The following VPS53 variants were observed in gnomAD, a reference collection of about 807,000 sequenced individuals.
VPS53 encodes vacuolar protein sorting-associated protein 53 homolog.
VPS53 carries 70 observed loss-of-function variants against 107.0 expected under a neutral mutation model. The observed-to-expected ratio is 0.65, with a 90% CI of 0.54 to 0.80. The LOEUF is 0.80. Ranked by LOEUF, VPS53 falls within the 30% of genes least tolerant of loss-of-function variation. VPS53 has a pLI of 0.00. For synonymous variants in VPS53, 409 were observed against 393.3 expected, an observed-to-expected ratio of 1.04 and a Z score of -0.47; for missense variants, 917 against 1,049.4, an observed-to-expected ratio of 0.87 and a Z score of 1.74.
chr17:674,953 A>G (rs1293838841), intron 4 of VPS53: 1 of 152,244 alleles, frequency 6.6e-6, no homozygotes, highest in Non-Finnish European at 1.5e-5. Context: ...GAATCGAGTA[A>G]ATCAAGTAAA....
chr17:619,732 C>T (rs1597391038), intron 11 of VPS53, among the ~76,000 whole-genome samples: 1 of 123,208 alleles, frequency 8.1e-6, no homozygotes, highest in African/African-American at 3.0e-5. Context: ...CACCACACCC[C>T]GCTAATATTT....
intron 7 of VPS53, among the ~76,000 whole-genome samples, chr17:638,555 G>A (rs986067940): frequency 7.9e-5 from 12 of 152,264 alleles, no homozygotes; most frequent in Non-Finnish European, 1.6e-4. Context: ...GGCTAGTACC[G>A]GTTGTTCCTT....
At chr17:639,911 C>T (rs188678667) in intron 7 of VPS53, among the ~76,000 whole-genome samples, 28 of 152,338 alleles carry the variant, frequency 1.8e-4, no homozygotes, top group Admixed American at 1.6e-3. Flanking sequence ...GGGAGAACCA[C>T]TACTCTCTTC....
At chr17:677,503 T>C (rs941251619) in intron 4 of VPS53, among the ~76,000 whole-genome samples, 1 of 152,204 alleles carries the variant, frequency 6.6e-6, no homozygotes, top group Non-Finnish European at 1.5e-5. Context: ...ACAGAGTTTC[T>C]ATTTGGGGTG....
chr17:555,446 C>T (rs1912245794), intron 15 of VPS53, among the ~76,000 whole-genome samples: 1 of 152,178 alleles, frequency 6.6e-6, no homozygotes. Context: ...ATCTACCCGC[C>T]TCAGCCTCCC....
At chr17:682,240 T>C (rs1405535880) in intron 4 of VPS53, among the ~76,000 whole-genome samples, 2 of 152,092 alleles carry the variant, frequency 1.3e-5, no homozygotes, top group East Asian at 3.9e-4. Flanking sequence ...GGATTTGAAA[T>C]TGAATTAATG....
At chr17:599,774 A>C (rs1567664292) in intron 12 of VPS53, among the ~76,000 whole-genome samples, 1 of 110,634 alleles carries the variant, frequency 9.0e-6, no homozygotes, top group Non-Finnish European at 2.0e-5. Flanking sequence ...TAAAAAAAAA[A>C]ACAAAAACAA....
At chr17:601,629 T>TG (rs1968328804) in intron 12 of VPS53, among the ~76,000 whole-genome samples, 166 bp downstream of exon 12, 1 of 152,146 alleles carries the variant, frequency 6.6e-6, no homozygotes, top group Non-Finnish European at 1.5e-5. Flanking sequence ...TGCCCTTTCA[T>TG]GGAGTTTTCT....
At chr17:666,588 C>G (rs897906028) in intron 4 of VPS53, among the ~76,000 whole-genome samples, 2 of 152,064 alleles carry the variant, frequency 1.3e-5, no homozygotes, top group African/African-American at 4.8e-5. Context: ...CGCGTGAACC[C>G]AGGAGGCAGA....
At chr17:635,406 T>A (rs1275788817) in intron 7 of VPS53, among the ~76,000 whole-genome samples, 3 of 152,236 alleles carry the variant, frequency 2.0e-5, no homozygotes, top group Non-Finnish European at 2.9e-5. Flanking sequence ...TTTAATTAGA[T>A]CCCATTTGTC....
At chr17:663,735 A>G (rs1439156383) in intron 4 of VPS53, among the ~76,000 whole-genome samples, 1 of 152,184 alleles carries the variant, frequency 6.6e-6, no homozygotes, top group Non-Finnish European at 1.5e-5. Context: ...GCATCTCCTT[A>G]ATTCACTCCT....
chr17:642,122 C>A (rs1009392674), intron 7 of VPS53, among the ~76,000 whole-genome samples: 4 of 152,154 alleles, frequency 2.6e-5, no homozygotes, highest in Admixed American at 1.3e-4. Flanking sequence ...GAAAACACCC[C>A]CAACAGTTCC....
At chr17:522,098 GC>G (rs1478899017) in intron 19 of VPS53, among the ~76,000 whole-genome samples, 1 of 151,890 alleles carries the variant, frequency 6.6e-6, no homozygotes, top group African/African-American at 2.4e-5. Flanking sequence ...TACAAAAAAT[GC>G]AAAAATTAGC....
chr17:523,567 G>A (rs1908907222), intron 19 of VPS53: 1 of 152,190 alleles, frequency 6.6e-6, no homozygotes, highest in Non-Finnish European at 1.5e-5. Flanking sequence ...AAGGGTTATG[G>A]CAATTGTAAT....
At chr17:639,373 T>C in intron 7 of VPS53, among the ~76,000 whole-genome samples, 1 of 152,232 alleles carries the variant, frequency 6.6e-6, no homozygotes, top group East Asian at 1.9e-4. Flanking sequence ...CTTCCTCCTT[T>C]AGCTCAGAGA....
At chr17:667,246 A>T (rs984854817) in intron 4 of VPS53, among the ~76,000 whole-genome samples, 10 of 152,158 alleles carry the variant, frequency 6.6e-5, no homozygotes, top group Non-Finnish European at 8.8e-5. Context: ...ATGGTCAGTA[A>T]AGGCTAAAAT....
chr17:519,750 A>G lies in VPS53; in HGVS notation c.2328+76T>C. On this transcript the variant is annotated intron_variant, in intron 21 of 21. Coordinates refer to ENST00000437048, the MANE Select transcript of VPS53 (RefSeq NM_001128159.3). The surrounding 1 kb of genome is among the most constrained non-coding windows in gnomAD (Gnocchi z 5.0). The stretch of plus-strand genomic sequence containing the variant: ...TTTTGAGAAAGCCCCCCCGGAACTT[A>G]TATCCCAATTCCCGGTTAAGAACCG... The G allele has an allele frequency of 2.7e-6, 3 of 1,106,880 alleles. No individual in the cohort carries two copies. The highest frequency in any genetic ancestry group is 1.6e-5 in the African/African-American group (1 of 64,092). The allele number at this position is 1,106,880 out of a possible 1,614,324, so 68.6% of individuals were successfully genotyped here.
chr17:651,161 G>C (rs749485444), intron 7 of VPS53, among the ~76,000 whole-genome samples: 1 of 152,118 alleles, frequency 6.6e-6, no homozygotes, highest in Non-Finnish European at 1.5e-5. Context: ...AATCCGGAGC[G>C]ATAGCCATTA....
chr17:622,672 G>C (rs1969517203), intron 11 of VPS53, among the ~76,000 whole-genome samples: 1 of 152,144 alleles, frequency 6.6e-6, no homozygotes, highest in African/African-American at 2.4e-5. Context: ...ACCTTGATGT[G>C]TTAGCAGGGA....
Sources: gnomAD v4.1 joint callset for allele counts (sites outside exome capture counted in the v4.1 genomes callset) on GRCh38, gnomAD v4.1.1 for gene constraint, Gnocchi (gnomAD v3.1) non-coding constraint, MANE v1.5 for transcripts, NCBI Gene and HGNC (gene_info 2026-07-23, HGNC 2026-07-21) for gene names.